Variants in AARS1 observed in about 807,000 individuals in gnomAD.
AARS1 encodes the protein alanine--tRNA ligase, cytoplasmic.
In AARS1, 72 loss-of-function variants were observed where a neutral mutation model predicts 108.9. The observed-to-expected ratio is 0.66, with a 90% CI of 0.55 to 0.80. The LOEUF is 0.80. AARS1 is among the 30% of genes least tolerant of loss of function. AARS1 has a pLI of 0.00. For missense variants in AARS1, 1,193 were observed against 1,233.2 expected (o/e 0.97, Z 0.49); for synonymous variants, 489 against 465.7 (o/e 1.05, Z -0.64).
chr16:70,275,717 C>T (rs565913874), intron 4 of AARS1, among the ~76,000 whole-genome samples: 4 of 151,394 alleles, frequency 2.6e-5, no homozygotes, highest in East Asian at 2.0e-4. Flanking sequence ...GAGCTGAGAT[C>T]GCGCCACTGC....
At chr16:70,274,131 T>A (rs1960480118) in intron 4 of AARS1, among the ~76,000 whole-genome samples, 2 of 144,740 alleles carry the variant, frequency 1.4e-5, no homozygotes, top group Admixed American at 7.0e-5. Context: ...AGGTCAGGAG[T>A]TCGAGACCAG....
chr16:70,261,056 C>T lies in AARS1; in HGVS notation c.1773G>A (p.Leu591=), dbSNP rs1960120310. The part of the protein sequence containing the change: ...GDLKVGDQVW[L]FIDEPRRRPI... ...TAACCCAACTCACCTCATCAATAAA[C>T]AGCCAGACCTGATCCCCCACTTTCA... The change falls in exon 13 of 21, where the codon CTG becomes CTA. Residue 591 remains leucine, a synonymous_variant. Transcript: ENST00000261772. 1.2e-6 allele frequency: 2 copies of T among 1,613,190 alleles called. No individual in the cohort carries two copies. Among genetic ancestry groups the T allele is most frequent in the East Asian group, 2.2e-5 (1 of 44,854 alleles).
At chr16:70,267,836 G>C (rs765272948) in intron 8 of AARS1, 27 bp from the exon 9 acceptor site, 2 of 1,614,078 alleles carry the variant, frequency 1.2e-6, no homozygotes, top group Non-Finnish European at 8.5e-7. Flanking sequence ...AAGATGAGGG[G>C]CTGGATGAAG....
chr16:70,256,063 T>TA (rs1959985107), intron 15 of AARS1, among the ~76,000 whole-genome samples: 1 of 152,174 alleles, frequency 6.6e-6, no homozygotes, highest in South Asian at 2.1e-4. Flanking sequence ...TCAAATGAGG[T>TA]AAACATGAAA....
At position 70,259,160 on chromosome 16, in the gene AARS1, G is replaced by A; in HGVS notation, c.1812C>T (p.Asn604=). ...AGTTCAGAATGTGCGTAGCTGTGTG[G>A]TTGCTCATGATGGGTCTTCGTCGGG... ...DEPRRRPIMS[N]HTATHILNFA... is the part of the protein sequence containing the mutation. Residue 604 remains asparagine (N), a synonymous_variant, in exon 14 of 21, where the codon AAC becomes AAT. Coordinates refer to ENST00000261772, the MANE Select transcript of AARS1 (RefSeq NM_001605.3). The A allele has an allele frequency of 6.2e-7, 1 of 1,614,216 alleles. No individual in the cohort carries two copies. Among genetic ancestry groups the A allele is most frequent in the East Asian group, 2.2e-5 (1 of 44,888 alleles).
chr16:70,264,839 G>T, intron 11 of AARS1, 119 bp downstream of exon 11: 1 of 1,276,098 alleles, frequency 7.8e-7, no homozygotes, highest in Non-Finnish European at 1.1e-6. Flanking sequence ...GTGACTGTAC[G>T]GCACTCCAGG....
intron 4 of AARS1, among the ~76,000 whole-genome samples, chr16:70,272,461 G>T (rs1194882369): frequency 7.8e-6 from 1 of 127,462 alleles, no homozygotes; most frequent in South Asian, 2.4e-4. Context: ...AGCCGGGATC[G>T]CGCCATTGCA....
At chr16:70,272,814 G>A (rs866227217) in intron 4 of AARS1, among the ~76,000 whole-genome samples, 1 of 150,834 alleles carries the variant, frequency 6.6e-6, no homozygotes, top group African/African-American at 2.5e-5. Context: ...CCAGCTACTC[G>A]GGAGAGGATC....
chr16:70,255,200 T>A (rs1457051575), intron 16 of AARS1, among the ~76,000 whole-genome samples: 2 of 144,224 alleles, frequency 1.4e-5, no homozygotes, highest in African/African-American at 5.4e-5. Context: ...TCACATTTTT[T>A]TTTTTTTTTT....
In AARS1 at chr16:70,272,628, A is replaced by C. The variant is rs188768402; in HGVS notation, c.480-656T>G. ...CACATGATATGCTCGAAACTCAATG[A>C]AAATACACAAGGACATGAGTAAGGC... On this transcript the variant is annotated intron_variant, in intron 4 of 20. Transcript: ENST00000261772. 6.1e-3 allele frequency among the ~76,000 whole-genome samples: 932 copies of C among 151,996 alleles called. 11 individuals are homozygous for C. The highest frequency in any genetic ancestry group is 0.021 in the African/African-American group (890 of 41,464).
intron 5 of AARS1, 79 bp from the exon 6 acceptor site, chr16:70,270,419 T>C: frequency 1.3e-6 from 2 of 1,573,336 alleles, no homozygotes; most frequent in East Asian, 4.5e-5. Flanking sequence ...TTAAAATTCA[T>C]TTACAGAACA....
Position 70,282,682 on chromosome 16 carries a change from A to G in AARS1, c.82T>C (p.Ser28Pro), listed in dbSNP as rs2152170419. ...TCATCCAATGGGATGGTGGCAGACG[A>G]GTGAACATACGTATGCTCGTTCCTC... Reference protein sequence around the residue: ...FKRNEHTYVHSSATIPLDDPT... With the variant: ...FKRNEHTYVHPSATIPLDDPT... The change falls in exon 2 of 21, where the codon TCG (serine) becomes CCG (proline). Residue 28 changes from serine to proline, a missense_variant. Transcript: ENST00000261772. 4.3e-6 allele frequency: 7 copies of G among 1,614,196 alleles called. No homozygotes were observed. The highest frequency in any genetic ancestry group is 5.9e-6 in the Non-Finnish European group (7 of 1,180,024).
chr16:70,253,134 C>G (rs1213689730), intron 20 of AARS1, 134 bp downstream of exon 20: 1 of 897,476 alleles, frequency 1.1e-6, no homozygotes, highest in Admixed American at 2.0e-5. Flanking sequence ...ATAAGAAGGC[C>G]TGGGTAAGGG....
At chr16:70,262,561 G>C in intron 11 of AARS1, 37 bp from the exon 12 acceptor site, 6 of 1,578,534 alleles carry the variant, frequency 3.8e-6, no homozygotes, top group Non-Finnish European at 5.2e-6. Context: ...GGACAGTGGG[G>C]TCAATGACCT....
rs774043727 is a variant in AARS1, at chr16:70,282,645, A to C, written c.119T>G (p.Leu40Arg). 1.9e-6 allele frequency: 3 copies of C among 1,614,226 alleles called. No individual in the cohort carries two copies. Among genetic ancestry groups the C allele is most frequent in the Non-Finnish European group, 2.5e-6 (3 of 1,180,050 alleles). ...CTGGTTCATGCCTGCATTGGCAAAG[A>C]GCAAAGTGGGGTCATCCAATGGGAT... ...ATIPLDDPTLLFANAGMNQFK... is the reference protein window; with the variant it reads ...ATIPLDDPTLRFANAGMNQFK... Residue 40 changes from leucine (L) to arginine (R), a missense_variant, in exon 2 of 21, where the codon CTC becomes CGC. By Grantham distance (102) the Leu-to-Arg change is moderately radical. Transcript: ENST00000261772.
chr16:70,271,682 A>C lies in AARS1; in HGVS notation c.671+99T>G, dbSNP rs1597443200. 3 of 1,248,070 alleles carry C rather than the reference A, an allele frequency of 2.4e-6. No homozygotes were observed. In the East Asian group the frequency reaches 7.2e-5, roughly 30 times the overall value. The allele number at this position is 1,248,070 out of a possible 1,614,324, so 77.3% of individuals were successfully genotyped here. A position where few individuals can be genotyped will look rare whatever the true frequency, so the allele number is the denominator to read the frequency against. On this transcript the variant is annotated intron_variant, in intron 5 of 20. Transcript: ENST00000261772. ...GATCAGACAGGTAATCTGAGAAATA[A>C]AGAAATGAGCTTTTAGCTGAGAAGA...
Position 70,289,298 on chromosome 16 carries a change from A to C in AARS1, c.-22+123T>G, listed in dbSNP as rs1368168663. The C allele has an allele frequency of 1.7e-5, 6 of 346,364 alleles. No individual in the cohort carries two copies. In the Admixed American group the frequency reaches 2.4e-4, roughly 14 times the overall value. 21.5% of individuals were successfully genotyped at this position (346,364 alleles called of 1,614,324 possible). A position where few individuals can be genotyped will look rare whatever the true frequency, so the allele number is the denominator to read the frequency against. ...CTGTCCAGCTCCCGCTCCAGCCCAG[A>C]CTGGGCTTCTCCAGGCCACGCGGGG... On this transcript the variant is annotated intron_variant, in intron 1 of 20. Transcript: ENST00000261772.
intron 2 of AARS1, 141 bp downstream of exon 2, chr16:70,282,479 G>A (rs1960724737): frequency 2.0e-6 from 2 of 1,000,620 alleles, no homozygotes; most frequent in Admixed American, 2.1e-5. Context: ...CAAAGAAACT[G>A]AGGCCCATCA....
intron 13 of AARS1, 57 bp from the exon 14 acceptor site, chr16:70,259,243 T>G (rs757181086): frequency 3.4e-5 from 52 of 1,530,054 alleles, no homozygotes; most frequent in Non-Finnish European, 2.6e-5. Flanking sequence ...AGTTATCTCC[T>G]CGTTATCTGC....
Sources: gnomAD v4.1 joint callset for allele counts (sites outside exome capture counted in the v4.1 genomes callset) on GRCh38, gnomAD v4.1.1 for gene constraint, MANE v1.5 for transcripts, NCBI Gene and HGNC (gene_info 2026-07-23, HGNC 2026-07-21) for gene names.